MAML3: variants seen among roughly 807,000 people sequenced by gnomAD.
The protein encoded by MAML3 is mastermind like transcriptional coactivator 3.
MAML3 carries 27 observed loss-of-function variants against 101.9 expected under a neutral mutation model. The ratio of observed to expected loss-of-function variants is 0.27; its 90% confidence interval spans 0.20 to 0.37. MAML3 has a LOEUF of 0.37. Among genes scored for constraint, MAML3 ranks in the 10% least tolerant of loss-of-function variants. The pLI, the probability that MAML3 is intolerant of heterozygous loss-of-function variation, is 1.00. For synonymous variants in MAML3, 501 were observed against 555.9 expected (o/e 0.90, Z 1.39); for missense variants, 1,316 against 1,444.9 (o/e 0.91, Z 1.45).
chr4:139,817,369 CAGGGTCT>C (rs1730909072), intron 2 of MAML3, among the ~76,000 whole-genome samples: 1 of 152,156 alleles, frequency 6.6e-6, no homozygotes, highest in Admixed American at 6.5e-5. Flanking sequence ...CAAATTCTGC[CAGGGTCT>C]AGGTTATACC....
intron 1 of MAML3, among the ~76,000 whole-genome samples, chr4:140,149,993 T>G (rs1729130411): frequency 6.9e-6 from 1 of 145,348 alleles, no homozygotes; most frequent in South Asian, 2.1e-4. Flanking sequence ...TGCTTAAGAG[T>G]TAAGGCTTAC....
At chr4:139,849,000 T>C (rs1731498522) in intron 2 of MAML3, among the ~76,000 whole-genome samples, 1 of 152,218 alleles carries the variant, frequency 6.6e-6, no homozygotes, top group Admixed American at 6.5e-5. Flanking sequence ...TTTGTTTCTT[T>C]CCCTTCTTGC....
intron 1 of MAML3, among the ~76,000 whole-genome samples, chr4:139,943,128 T>TA (rs1428034436): frequency 1.3e-5 from 2 of 152,186 alleles, no homozygotes; most frequent in East Asian, 3.9e-4. Flanking sequence ...TCCTCCAAAA[T>TA]AAAAAACTTA....
At chr4:139,871,411 G>A (rs956119542) in intron 2 of MAML3, among the ~76,000 whole-genome samples, 1 of 152,038 alleles carries the variant, frequency 6.6e-6, no homozygotes. Flanking sequence ...CAAATTTGAC[G>A]CCTTTCTTCC....
At chr4:139,999,072 G>T (rs757834502) in intron 1 of MAML3, among the ~76,000 whole-genome samples, 4 of 152,074 alleles carry the variant, frequency 2.6e-5, no homozygotes, top group Non-Finnish European at 4.4e-5. Flanking sequence ...TCATCTCTTC[G>T]ATGCATGTGC....
intron 2 of MAML3, among the ~76,000 whole-genome samples, chr4:139,859,220 C>T (rs1319791634): frequency 6.9e-6 from 1 of 145,492 alleles, no homozygotes; most frequent in East Asian, 2.2e-4. Flanking sequence ...AGCAGAGGTT[C>T]TACTACATTT....
chr4:140,059,643 A>G (rs1440215271), intron 1 of MAML3, among the ~76,000 whole-genome samples: 1 of 152,244 alleles, frequency 6.6e-6, no homozygotes, highest in African/African-American at 2.4e-5. Context: ...GCCAGAAGAT[A>G]GTCTGATATA....
intron 2 of MAML3, among the ~76,000 whole-genome samples, chr4:139,877,332 C>T (rs1732135368): frequency 6.6e-6 from 1 of 151,988 alleles, no homozygotes; most frequent in Admixed American, 6.6e-5. Flanking sequence ...AGGAAAGCAG[C>T]ATTTCCCCCC....
chr4:140,053,628 A>G (rs1727305187), intron 1 of MAML3, among the ~76,000 whole-genome samples: 1 of 152,192 alleles, frequency 6.6e-6, no homozygotes, highest in Non-Finnish European at 1.5e-5. Flanking sequence ...TTTTGACTGA[A>G]TATATCAGGG....
At chr4:139,936,376 C>T (rs1560841973) in intron 1 of MAML3, among the ~76,000 whole-genome samples, 1 of 152,176 alleles carries the variant, frequency 6.6e-6, no homozygotes, top group Non-Finnish European at 1.5e-5. Flanking sequence ...ATCTTTTTGA[C>T]ATACACATTT....
intron 2 of MAML3, among the ~76,000 whole-genome samples, chr4:139,800,257 A>C (rs1252186358): frequency 1.3e-5 from 2 of 152,182 alleles, no homozygotes; most frequent in African/African-American, 2.4e-5. Context: ...GAACAGGAAG[A>C]AGGCCATTTC....
At chr4:139,721,407 G>GT (rs1425852725) in intron 4 of MAML3, among the ~76,000 whole-genome samples, 1 of 152,138 alleles carries the variant, frequency 6.6e-6, no homozygotes, top group Non-Finnish European at 1.5e-5. Flanking sequence ...AAGAAAAATA[G>GT]TTTTTTTCCT....
chr4:139,762,795 CG>C (rs1201951141), intron 2 of MAML3, among the ~76,000 whole-genome samples: 1 of 152,136 alleles, frequency 6.6e-6, no homozygotes, highest in Non-Finnish European at 1.5e-5. Flanking sequence ...CTGTAGACCT[CG>C]TTGACCCTAA....
chr4:140,067,563 T>A (rs78432806), intron 1 of MAML3, among the ~76,000 whole-genome samples: 3 of 152,160 alleles, frequency 2.0e-5, no homozygotes, highest in Non-Finnish European at 4.4e-5. Context: ...CAGAGTTTTC[T>A]GTATTGTCTC....
intron 1 of MAML3, among the ~76,000 whole-genome samples, chr4:139,947,876 C>T (rs767246058): frequency 1.3e-5 from 2 of 151,548 alleles, no homozygotes; most frequent in African/African-American, 2.4e-5. Context: ...CTGGGGTGGG[C>T]GGATCACCTG....
intron 1 of MAML3, among the ~76,000 whole-genome samples, chr4:140,030,468 A>G (rs940898445): frequency 6.6e-6 from 1 of 152,208 alleles, no homozygotes; most frequent in Non-Finnish European, 1.5e-5. Flanking sequence ...ACAGAGGAAA[A>G]TAAGGGCCAG....
At chr4:139,879,526 A>AG in intron 2 of MAML3, among the ~76,000 whole-genome samples, 1 of 17,832 alleles carries the variant, frequency 5.6e-5, no homozygotes, top group East Asian at 2.9e-3. Context: ...GCTCTGACTG[A>AG]AAAAAAAAAA....
At chr4:140,005,791 G>A (rs776146817) in intron 1 of MAML3, among the ~76,000 whole-genome samples, 10 of 152,328 alleles carry the variant, frequency 6.6e-5, no homozygotes, top group Middle Eastern at 3.4e-3. Flanking sequence ...ATATGCACAC[G>A]TGAGTCAAAC....
intron 1 of MAML3, among the ~76,000 whole-genome samples, chr4:140,042,953 T>A (rs1727111879): frequency 6.6e-6 from 1 of 152,048 alleles, no homozygotes; most frequent in Admixed American, 6.5e-5. Flanking sequence ...TAGACTTGAG[T>A]GGTGTAATGC....
Sources: gnomAD v4.1 joint callset for allele counts (sites outside exome capture counted in the v4.1 genomes callset) on GRCh38, gnomAD v4.1.1 for gene constraint, MANE v1.5 for transcripts, NCBI Gene and HGNC (gene_info 2026-07-23, HGNC 2026-07-21) for gene names.